The following KSR2 variants were observed in gnomAD, a reference collection of about 807,000 sequenced individuals.
KSR2 encodes kinase suppressor of ras 2.
In KSR2, 25 loss-of-function variants were observed where a neutral mutation model predicts 107.8. The observed-to-expected ratio is 0.23, with a 90% CI of 0.17 to 0.32. The LOEUF (loss-of-function observed/expected upper bound fraction) is 0.32. KSR2 is among the 10% of genes least tolerant of loss of function. The pLI is 1.00. For missense variants in KSR2, 887 were observed against 1,268.9 expected (o/e 0.70, Z 4.57); for synonymous variants, 480 against 507.0 (o/e 0.95, Z 0.71).
chr12:117,606,426 TTCCTCCCTCCCTCCCC>T, intron 5 of KSR2, among the ~76,000 whole-genome samples: 1 of 73,426 alleles, frequency 1.4e-5, no homozygotes, highest in Non-Finnish European at 2.7e-5. Flanking sequence ...CCTCCCCTCC[TTCCTCCCTCCCTCCCC>T]TCCTTCCTCC....
At chr12:117,802,112 G>A (rs991133003) in intron 3 of KSR2, among the ~76,000 whole-genome samples, 7 of 152,102 alleles carry the variant, frequency 4.6e-5, no homozygotes, top group Admixed American at 2.0e-4. Context: ...AAATCAAGGT[G>A]TAAAGAAAAC....
intron 4 of KSR2, among the ~76,000 whole-genome samples, chr12:117,736,049 G>A (rs1887924898): frequency 6.6e-6 from 1 of 152,174 alleles, no homozygotes; most frequent in African/African-American, 2.4e-5. Context: ...GAAATGGTCA[G>A]CCTTACACAC....
chr12:117,830,909 C>G (rs1034946509), intron 3 of KSR2, among the ~76,000 whole-genome samples: 11 of 152,130 alleles, frequency 7.2e-5, no homozygotes, highest in African/African-American at 2.4e-4. Flanking sequence ...AGAAGGAAAA[C>G]AGATGAGAAA....
intron 3 of KSR2, among the ~76,000 whole-genome samples, chr12:117,848,835 G>GGTGGTGA (rs1892807956): frequency 5.0e-5 from 2 of 40,134 alleles, no homozygotes; most frequent in Non-Finnish European, 1.2e-4. Context: ...GATGGTGGTA[G>GGTGGTGA]TGGTGGTGAT....
intron 14 of KSR2, among the ~76,000 whole-genome samples, chr12:117,493,797 G>A (rs927020473): frequency 1.2e-4 from 19 of 152,100 alleles, no homozygotes; most frequent in Admixed American, 1.2e-3. Flanking sequence ...TTGAATCATG[G>A]GGGTGAGTCT....
chr12:117,873,587 G>A (rs1046367215), intron 1 of KSR2, among the ~76,000 whole-genome samples: 4 of 148,788 alleles, frequency 2.7e-5, no homozygotes, highest in Non-Finnish European at 4.4e-5. Context: ...CAGCCTCCCC[G>A]GTAGCTAGGA....
At chr12:117,879,176 G>C (rs556393696) in intron 1 of KSR2, among the ~76,000 whole-genome samples, 1 of 152,062 alleles carries the variant, frequency 6.6e-6, no homozygotes, top group South Asian at 2.1e-4. Flanking sequence ...ATGAATTATA[G>C]GTATATTTCA....
At chr12:117,868,177 C>A (rs1450484548) in intron 1 of KSR2, among the ~76,000 whole-genome samples, 2 of 152,200 alleles carry the variant, frequency 1.3e-5, no homozygotes, top group African/African-American at 4.8e-5. Flanking sequence ...CCTGTAATCC[C>A]AGCACTTTGG....
At chr12:117,598,556 G>A (rs1391601654) in intron 5 of KSR2, among the ~76,000 whole-genome samples, 1 of 152,100 alleles carries the variant, frequency 6.6e-6, no homozygotes. Flanking sequence ...TTTCCCTAGT[G>A]GTTGTACTAG....
At chr12:117,693,691 G>A (rs1159042014) in intron 4 of KSR2, among the ~76,000 whole-genome samples, 1 of 152,154 alleles carries the variant, frequency 6.6e-6, no homozygotes, top group Non-Finnish European at 1.5e-5. Context: ...TGTTCTGGGA[G>A]TGCTCATGTA....
chr12:117,669,688 CA>C (rs1365924106), intron 4 of KSR2, among the ~76,000 whole-genome samples: 1 of 151,900 alleles, frequency 6.6e-6, no homozygotes, highest in Non-Finnish European at 1.5e-5. Flanking sequence ...GGCAACATAG[CA>C]AGACCCTGTC....
intron 5 of KSR2, among the ~76,000 whole-genome samples, chr12:117,655,546 G>A (rs973918382): frequency 2.6e-5 from 4 of 152,120 alleles, no homozygotes; most frequent in African/African-American, 9.7e-5. Flanking sequence ...ATCAAGGGGC[G>A]GAAGTGGCAC....
At chr12:117,686,215 ATTTTTTTTTTTTTT>A (rs55772468) in intron 4 of KSR2, among the ~76,000 whole-genome samples, 3 of 78,042 alleles carry the variant, frequency 3.8e-5, no homozygotes, top group South Asian at 4.7e-4. Flanking sequence ...CACCCAGCTA[ATTTTTTTTTTTTTT>A]TTTTTTTTTT....
chr12:117,654,850 C>T (rs1191153702), intron 5 of KSR2, among the ~76,000 whole-genome samples: 1 of 152,154 alleles, frequency 6.6e-6, no homozygotes, highest in South Asian at 2.1e-4. Flanking sequence ...TCTGTGGACG[C>T]CACTCAGCCT....
chr12:117,555,386 C>G lies in KSR2; in HGVS notation c.1394-93G>C, dbSNP rs568746898. 2.1e-5 allele frequency: 28 copies of G among 1,313,870 alleles called. 1 individual carries two copies. The Admixed American group carries it at 5.0e-4, about 24-fold the overall frequency. 81.4% of individuals were successfully genotyped at this position (1,313,870 alleles called of 1,614,324 possible). On this transcript the variant is annotated intron_variant, in intron 8 of 19. Transcript: ENST00000339824. ...ATAGCTCAGATCCCACCTCTTAGAC[C>G]CACCCTCCAGACTGGAGGACAATTC... is the stretch of plus-strand genomic sequence containing the variant.
At chr12:117,530,885 G>T in intron 12 of KSR2, 56 bp downstream of exon 12, 1 of 1,473,868 alleles carries the variant, frequency 6.8e-7, no homozygotes, top group South Asian at 1.1e-5. Context: ...TGAGTGGATT[G>T]TAGGGCCAGG....
intron 4 of KSR2, among the ~76,000 whole-genome samples, chr12:117,744,503 A>G (rs1486098639): frequency 6.6e-6 from 1 of 152,088 alleles, no homozygotes. Flanking sequence ...GCCCGATAAG[A>G]GATTCTCCAT....
intron 3 of KSR2, among the ~76,000 whole-genome samples, chr12:117,767,174 G>C (rs553797649): frequency 6.6e-6 from 1 of 151,674 alleles, no homozygotes; most frequent in East Asian, 2.0e-4. Flanking sequence ...AGTACTTTGG[G>C]AGGCCGAGAT....
chr12:117,911,860 G>A (rs1048765366), intron 1 of KSR2, among the ~76,000 whole-genome samples: 6 of 152,200 alleles, frequency 3.9e-5, no homozygotes, highest in African/African-American at 1.2e-4. Context: ...CATATTGCTT[G>A]GCAAGAAGCC....
Sources: gnomAD v4.1 joint callset for allele counts (sites outside exome capture counted in the v4.1 genomes callset) on GRCh38, gnomAD v4.1.1 for gene constraint, MANE v1.5 for transcripts, NCBI Gene and HGNC (gene_info 2026-07-23, HGNC 2026-07-21) for gene names.